Variants in CSMD1 observed in about 807,000 individuals in gnomAD.
CSMD1 encodes the protein CUB and Sushi multiple domains 1, also known as CUB and sushi domain-containing protein 1.
In CSMD1, 213 loss-of-function variants were observed where a neutral mutation model predicts 417.5. The observed-to-expected ratio is 0.51, with a 90% CI of 0.46 to 0.57. The LOEUF is 0.57. Ranked by LOEUF, CSMD1 falls within the 20% of genes least tolerant of loss-of-function variation. The probability of loss-of-function intolerance (pLI) is 0.00; values close to 1 mark genes in which losing one functional copy is unlikely to be tolerated. For synonymous variants in CSMD1, 2,862 were observed against 1,736.8 expected (o/e 1.65, Z -16.11); for missense variants, 6,923 against 4,529.7 (o/e 1.53, Z -15.17).
chr8:3,379,504 C>A (rs112646108), intron 18 of CSMD1, among the ~76,000 whole-genome samples: 121,751 of 152,100 alleles, frequency 0.8, 49,143 homozygotes, highest in African/African-American at 0.9. Context: ...ACTATACTAC[C>A]AGGCTACAGT....
chr8:3,610,765 C>A (rs898170918), intron 8 of CSMD1, among the ~76,000 whole-genome samples: 2 of 151,990 alleles, frequency 1.3e-5, no homozygotes, highest in Admixed American at 1.3e-4. Flanking sequence ...CTTAATGCAT[C>A]TCTTTTTAAG....
At chr8:4,576,998 C>A (rs1036965775) in intron 2 of CSMD1, among the ~76,000 whole-genome samples, 8 of 152,108 alleles carry the variant, frequency 5.3e-5, no homozygotes, top group Non-Finnish European at 1.5e-5. Flanking sequence ...GATTCTATCT[C>A]CATGGTGACA....
intron 37 of CSMD1, among the ~76,000 whole-genome samples, chr8:3,180,796 A>T (rs924912647): frequency 6.6e-6 from 1 of 150,716 alleles, no homozygotes; most frequent in Non-Finnish European, 1.5e-5. Context: ...TGCCCAGCTA[A>T]TTTTTTTTTG....
At chr8:3,010,095 C>T (rs1242485998) in intron 52 of CSMD1, among the ~76,000 whole-genome samples, 1 of 152,170 alleles carries the variant, frequency 6.6e-6, no homozygotes, top group African/African-American at 2.4e-5. Flanking sequence ...CTTTCTGTCC[C>T]TCAAACTTCA....
At chr8:3,649,636 C>G in intron 7 of CSMD1, among the ~76,000 whole-genome samples, 1 of 152,150 alleles carries the variant, frequency 6.6e-6, no homozygotes, top group East Asian at 1.9e-4. Flanking sequence ...ATGAGAACAG[C>G]ACGGAGAAAC....
intron 5 of CSMD1, among the ~76,000 whole-genome samples, chr8:3,835,931 C>T (rs1007048760): frequency 1.3e-5 from 2 of 151,996 alleles, no homozygotes; most frequent in African/African-American, 2.4e-5. Context: ...TCCGTAGGAA[C>T]AATATGGGTC....
chr8:4,031,863 C>G (rs780927001), intron 4 of CSMD1, 42 bp downstream of exon 4: 63 of 1,456,230 alleles, frequency 4.3e-5, no homozygotes, highest in African/African-American at 1.4e-5. Context: ...AACCATTGCC[C>G]TGCCCTGGAG....
At chr8:4,288,518 G>A (rs1797186076) in intron 3 of CSMD1, among the ~76,000 whole-genome samples, 1 of 152,204 alleles carries the variant, frequency 6.6e-6, no homozygotes, top group Non-Finnish European at 1.5e-5. Context: ...TTACCCAGTA[G>A]TAGCAGATAC....
chr8:4,808,336 C>A (rs1176763518), intron 1 of CSMD1, among the ~76,000 whole-genome samples: 1 of 152,150 alleles, frequency 6.6e-6, no homozygotes, highest in Non-Finnish European at 1.5e-5. Flanking sequence ...TTCCACCACC[C>A]CTTCCTGCGA....
chr8:3,083,631 TATATATATATATATA>T (rs1814281954), intron 49 of CSMD1, among the ~76,000 whole-genome samples: 2 of 33,358 alleles, frequency 6.0e-5, no homozygotes, highest in East Asian at 1.1e-3. Flanking sequence ...TATATATATA[TATATATATATATATA>T]TATTTTTTTT....
Position 3,142,569 on chromosome 8 carries a change from C to T in CSMD1, c.6137G>A (p.Gly2046Asp), listed in dbSNP as rs2129031798. 4 of 1,613,862 alleles carry T rather than the reference C, an allele frequency of 2.5e-6. No homozygotes were observed. In the East Asian group the frequency reaches 8.9e-5, roughly 36 times the overall value. The change falls in exon 41 of 70, where the codon GGC becomes GAC. Residue 2046 changes from glycine to aspartate, a missense_variant. Coordinates refer to ENST00000635120, the MANE Select transcript of CSMD1 (RefSeq NM_033225.6). Reference protein sequence around the residue: ...HTSPMIGQFSGTDLPAALLST... With the variant: ...HTSPMIGQFSDTDLPAALLST... The stretch of plus-strand genomic sequence containing the variant: ...CAGCAGGGCCGCGGGGAGATCCGTG[C>T]CGCTAAATTGTCCAATCATGGGGCT...
chr8:4,302,250 T>G (rs1798016941), intron 3 of CSMD1, among the ~76,000 whole-genome samples: 1 of 152,222 alleles, frequency 6.6e-6, no homozygotes, highest in South Asian at 2.1e-4. Context: ...TGTAGTGTTT[T>G]AGGTGATGGT....
chr8:3,741,424 A>G (rs1239779692), intron 6 of CSMD1, among the ~76,000 whole-genome samples: 2 of 152,090 alleles, frequency 1.3e-5, no homozygotes, highest in Non-Finnish European at 2.9e-5. Flanking sequence ...CAGCTTCTGA[A>G]GTTAATCATT....
At position 3,911,840 on chromosome 8, in the gene CSMD1, A is replaced by G. The variant is rs559037544; in HGVS notation, c.818+86063T>C. On this transcript the variant is annotated intron_variant, in intron 5 of 69. Transcript: ENST00000635120. The stretch of plus-strand genomic sequence containing the variant: ...TAAACTCATTTTCTTAGACTGCCAC[A>G]AACAAAAGATTCTCCTTCCCATCTG... Among the ~76,000 whole-genome samples the G allele has an allele frequency of 7.2e-5, 11 of 152,270 alleles. No homozygotes were observed. In the East Asian group the frequency reaches 2.1e-3, roughly 29 times the overall value.
chr8:3,230,650 C>G (rs1252221667), intron 26 of CSMD1, among the ~76,000 whole-genome samples: 1 of 152,134 alleles, frequency 6.6e-6, no homozygotes. Context: ...TCCTTAAGGT[C>G]TGTGCCTTCA....
chr8:4,758,785 G>C (rs1039454404), intron 1 of CSMD1, among the ~76,000 whole-genome samples: 2 of 152,092 alleles, frequency 1.3e-5, no homozygotes, highest in Non-Finnish European at 2.9e-5. Context: ...AATGTCATGA[G>C]AACAGCATGG....
At chr8:4,673,195 T>C (rs1805438857) in intron 1 of CSMD1, among the ~76,000 whole-genome samples, 1 of 152,164 alleles carries the variant, frequency 6.6e-6, no homozygotes. Flanking sequence ...AAGACATTTA[T>C]CAGGTACAAT....
intron 21 of CSMD1, among the ~76,000 whole-genome samples, chr8:3,356,773 GA>G (rs1424665683): frequency 1.3e-5 from 2 of 152,226 alleles, no homozygotes; most frequent in Admixed American, 1.3e-4. Context: ...GTGGGCCTGA[GA>G]GGGCTCCATC....
intron 23 of CSMD1, among the ~76,000 whole-genome samples, chr8:3,313,870 C>G (rs1276975786): frequency 1.3e-5 from 2 of 152,126 alleles, no homozygotes; most frequent in Admixed American, 6.6e-5. Flanking sequence ...GGAACCAACC[C>G]AAATGTCCAA....
Sources: allele counts gnomAD v4.1 joint callset (sites outside exome capture counted in the v4.1 genomes callset), GRCh38; gene constraint gnomAD v4.1.1; transcripts MANE v1.5; gene names NCBI Gene and HGNC (gene_info 2026-07-23, HGNC 2026-07-21).